The following CTNNA3 variants were observed in gnomAD, a reference collection of about 807,000 sequenced individuals.
The protein encoded by CTNNA3 is catenin alpha-3.
A neutral mutation model predicts 95.7 loss-of-function variants in CTNNA3; 76 were observed. That is an observed-to-expected ratio of 0.79 (90% CI 0.66 to 0.96). The LOEUF (loss-of-function observed/expected upper bound fraction) is 0.96, where lower values mean the gene tolerates loss of function less well. Ranked by LOEUF, CTNNA3 falls within the 40% of genes least tolerant of loss-of-function variation. The pLI, the probability that CTNNA3 is intolerant of heterozygous loss-of-function variation, is 0.00. For missense variants in CTNNA3, 1,191 were observed against 1,089.8 expected (o/e 1.09, Z -1.31); for synonymous variants, 431 against 374.4 (o/e 1.15, Z -1.74).
intron 3 of CTNNA3, among the ~76,000 whole-genome samples, chr10:67,567,019 T>C (rs1841829120): frequency 1.0e-5 from 1 of 97,332 alleles, no homozygotes; most frequent in Non-Finnish European, 1.9e-5. Context: ...TGGGGACTGT[T>C]TTGGGGTGGG....
At chr10:66,917,678 A>G (rs1349968124) in intron 7 of CTNNA3, among the ~76,000 whole-genome samples, 1 of 152,222 alleles carries the variant, frequency 6.6e-6, no homozygotes, top group Non-Finnish European at 1.5e-5. Context: ...TTAATTCCTA[A>G]TGCTGATATA....
chr10:66,733,557 G>A (rs1169648697), intron 9 of CTNNA3, among the ~76,000 whole-genome samples: 3 of 151,156 alleles, frequency 2.0e-5, no homozygotes, highest in Non-Finnish European at 4.4e-5. Flanking sequence ...TTTTTTATTT[G>A]TTTAATTTGT....
At chr10:67,182,435 G>T (rs533475003) in intron 6 of CTNNA3, among the ~76,000 whole-genome samples, 1 of 152,066 alleles carries the variant, frequency 6.6e-6, no homozygotes, top group East Asian at 1.9e-4. Context: ...CAAGCAATGG[G>T]GAAAGGATTC....
intron 5 of CTNNA3, among the ~76,000 whole-genome samples, chr10:67,366,524 C>T (rs912630690): frequency 6.6e-6 from 1 of 152,146 alleles, no homozygotes; most frequent in Non-Finnish European, 1.5e-5. Context: ...GCCTCCAATC[C>T]CAGCTACTTG....
In CTNNA3 at chr10:65,915,097, C is replaced by T. The variant is rs561823937; in HGVS notation, c.*5233G>A. On this transcript the variant is annotated 3_prime_UTR_variant, in exon 18 of 18. Coordinates refer to ENST00000433211, the MANE Select transcript of CTNNA3 (RefSeq NM_013266.4). Reference sequence around the variant, plus strand: ...TTGTTATATGGTGTATCCTAAGAACCTAGAACAGTGCCTGGAACATCACAG... The same window carrying T: ...TTGTTATATGGTGTATCCTAAGAACTTAGAACAGTGCCTGGAACATCACAG... 2 of 152,118 alleles carry T rather than the reference C, an allele frequency of 1.3e-5. No individual in the cohort carries two copies. Among genetic ancestry groups the T allele is most frequent in the Non-Finnish European group, 2.9e-5 (2 of 67,970 alleles). The allele number at this position is 152,118 out of a possible 1,614,324, so 9.4% of individuals were successfully genotyped here.
chr10:67,603,342 C>G (rs1412891557), intron 3 of CTNNA3, among the ~76,000 whole-genome samples: 3 of 152,096 alleles, frequency 2.0e-5, no homozygotes, highest in Non-Finnish European at 4.4e-5. Flanking sequence ...ATAGTAGAGT[C>G]GAAAAACTCC....
At chr10:66,611,320 G>C (rs1387996104) in intron 10 of CTNNA3, among the ~76,000 whole-genome samples, 1 of 151,898 alleles carries the variant, frequency 6.6e-6, no homozygotes, top group Non-Finnish European at 1.5e-5. Context: ...AAATATTTGA[G>C]GTGTTGGATA....
intron 5 of CTNNA3, among the ~76,000 whole-genome samples, chr10:67,507,032 A>G (rs1383435596): frequency 6.6e-6 from 1 of 152,134 alleles, no homozygotes; most frequent in Non-Finnish European, 1.5e-5. Flanking sequence ...AAGAATGGAG[A>G]CTCAAATAAA....
chr10:67,447,094 G>C (rs1846780131), intron 5 of CTNNA3, among the ~76,000 whole-genome samples: 1 of 152,168 alleles, frequency 6.6e-6, no homozygotes, highest in African/African-American at 2.4e-5. Flanking sequence ...GACAGAGAGA[G>C]ACTCCGTCTC....
intron 3 of CTNNA3, among the ~76,000 whole-genome samples, chr10:67,574,665 C>G (rs1842087037): frequency 6.7e-6 from 1 of 149,738 alleles, no homozygotes; most frequent in Admixed American, 6.7e-5. Flanking sequence ...ACCACAACCT[C>G]TGCCTCCTGG....
intron 1 of CTNNA3, among the ~76,000 whole-genome samples, chr10:67,718,532 A>G (rs1841158698): frequency 6.6e-6 from 1 of 152,136 alleles, no homozygotes; most frequent in African/African-American, 2.4e-5. Context: ...GTTAAATTTT[A>G]TCGAAGGCCT....
At chr10:67,394,162 C>T (rs1844630997) in intron 5 of CTNNA3, among the ~76,000 whole-genome samples, 1 of 152,040 alleles carries the variant, frequency 6.6e-6, no homozygotes, top group Non-Finnish European at 1.5e-5. Context: ...ATATCACATA[C>T]ACAATGTTTA....
chr10:67,139,638 C>T (rs1860459309), intron 7 of CTNNA3, among the ~76,000 whole-genome samples: 1 of 148,760 alleles, frequency 6.7e-6, no homozygotes, highest in African/African-American at 2.5e-5. Flanking sequence ...GTCTCGAACT[C>T]CTGGCCTCAG....
At chr10:66,958,965 GGAGA>G (rs949559355) in intron 7 of CTNNA3, among the ~76,000 whole-genome samples, 1 of 152,008 alleles carries the variant, frequency 6.6e-6, no homozygotes, top group Admixed American at 6.6e-5. Context: ...TCAGACATAG[GGAGA>G]GAGAGTGTAA....
chr10:66,855,456 CTT>C (rs1286430312), intron 7 of CTNNA3, among the ~76,000 whole-genome samples: 3 of 152,014 alleles, frequency 2.0e-5, no homozygotes, highest in Non-Finnish European at 2.9e-5. Flanking sequence ...ATGATCATAA[CTT>C]GAGTTATTTT....
chr10:66,150,562 C>A (rs1457310591), intron 13 of CTNNA3, among the ~76,000 whole-genome samples: 1 of 151,376 alleles, frequency 6.6e-6, no homozygotes, highest in South Asian at 2.1e-4. Flanking sequence ...TATTTTGATA[C>A]CAGCATACGA....
At chr10:66,606,840 C>T (rs1346186208) in intron 10 of CTNNA3, among the ~76,000 whole-genome samples, 1 of 151,990 alleles carries the variant, frequency 6.6e-6, no homozygotes, top group Non-Finnish European at 1.5e-5. Context: ...CTCAAGTTAA[C>T]AACCTAACAT....
At chr10:67,521,642 A>T (rs1408973578) in intron 5 of CTNNA3, among the ~76,000 whole-genome samples, 200 bp downstream of exon 5, 2 of 152,206 alleles carry the variant, frequency 1.3e-5, no homozygotes, top group African/African-American at 4.8e-5. Context: ...GGAAACCCCT[A>T]AAGTACACAT....
chr10:67,195,803 G>A (rs376941194), intron 6 of CTNNA3, among the ~76,000 whole-genome samples: 2 of 152,104 alleles, frequency 1.3e-5, no homozygotes, highest in African/African-American at 4.8e-5. Flanking sequence ...TATTTTGGTT[G>A]GAAAAAGTTT....
Sources: gnomAD v4.1 joint callset for allele counts (sites outside exome capture counted in the v4.1 genomes callset) on GRCh38, gnomAD v4.1.1 for gene constraint, MANE v1.5 for transcripts, NCBI Gene and HGNC (gene_info 2026-07-23, HGNC 2026-07-21) for gene names.